Variants in TXNRD2 observed in about 807,000 individuals in gnomAD.
The protein encoded by TXNRD2 is thioredoxin reductase 2, mitochondrial.
In TXNRD2, 67 loss-of-function variants were observed where a neutral mutation model predicts 70.8. The observed-to-expected ratio is 0.95, with a 90% confidence interval of 0.78 to 1.16. TXNRD2 has a LOEUF of 1.16. Ranked by LOEUF, TXNRD2 falls within the 50% of genes most tolerant of loss-of-function variation. The pLI is 0.00. For missense variants in TXNRD2, 644 were observed against 719.9 expected, an observed-to-expected ratio of 0.89 and a Z score of 1.21; for synonymous variants, 301 against 295.8, an observed-to-expected ratio of 1.02 and a Z score of -0.18.
In TXNRD2 at chr22:19,937,800, T is replaced by C. The variant is rs550781453; in HGVS notation, c.103+3901A>G. 1.8e-3 allele frequency among the ~76,000 whole-genome samples: 279 copies of C among 152,320 alleles called. 1 individual carries two copies. Among genetic ancestry groups the C allele is most frequent in the African/African-American group, 6.5e-3 (269 of 41,566 alleles). On this transcript the variant is annotated intron_variant, in intron 1 of 17. Coordinates refer to ENST00000400521, the MANE Select transcript of TXNRD2 (RefSeq NM_006440.5). ...CCTGCGTTGTCGTAAGGGTAAACATTGGGCAAGTACTTGCCACTCAGTCTG... is the reference window on the plus strand; with the variant it reads ...CCTGCGTTGTCGTAAGGGTAAACATCGGGCAAGTACTTGCCACTCAGTCTG...
At chr22:19,886,014 C>G (rs1439441033) in intron 11 of TXNRD2, among the ~76,000 whole-genome samples, 1 of 152,274 alleles carries the variant, frequency 6.6e-6, no homozygotes, top group Non-Finnish European at 1.5e-5. Flanking sequence ...AATGGAGCCA[C>G]TAATGTGAAA....
intron 1 of TXNRD2, among the ~76,000 whole-genome samples, chr22:19,933,062 GCATC>G (rs1038318869): frequency 6.6e-6 from 1 of 152,162 alleles, no homozygotes; most frequent in Non-Finnish European, 1.5e-5. Flanking sequence ...TTGGGAAGCT[GCATC>G]CAGGCACTCA....
chr22:19,898,167 A>G (rs754596655), intron 9 of TXNRD2, 37 bp from the exon 10 acceptor site: 1 of 1,536,478 alleles, frequency 6.5e-7, no homozygotes, highest in Non-Finnish European at 8.8e-7. Context: ...GTAGATCCCA[A>G]TTTTGGAAAT....
At chr22:19,909,780 ACAC>A (rs1940279010) in intron 8 of TXNRD2, among the ~76,000 whole-genome samples, 1 of 119,878 alleles carries the variant, frequency 8.3e-6, no homozygotes, top group Non-Finnish European at 1.7e-5. Context: ...CACACCACAC[ACAC>A]CACACACACA....
rs559272282 is a variant in TXNRD2 at position 19,933,519 on chromosome 22, CT to C, written c.104-2422del. 93 of 1,288,838 alleles carry C rather than the reference CT, an allele frequency of 7.2e-5. No individual in the cohort carries two copies. In the East Asian group the frequency reaches 4.9e-3, roughly 68 times the overall value. 79.8% of individuals were successfully genotyped at this position (1,288,838 alleles called of 1,614,324 possible). ...GCCCTGCAGCCTCGCACTGTGCCCC[CT>C]CTGTCTGCTATCAGGCAGGGTGAGC... On this transcript the variant is annotated intron_variant, in intron 1 of 17. Coordinates refer to ENST00000400521, the MANE Select transcript of TXNRD2 (RefSeq NM_006440.5).
chr22:19,880,604 T>C lies in TXNRD2; in HGVS notation c.1182+18A>G. 1 of 1,611,612 alleles carries C rather than the reference T, an allele frequency of 6.2e-7. No individual in the cohort carries two copies. Among genetic ancestry groups the C allele is most frequent in the Non-Finnish European group, 8.5e-7 (1 of 1,178,366 alleles). ...AGCCTGTCCTAGGCTGCACGTGGCG[T>C]CCTGCTAGAGAACTCACATTGTCGT... On this transcript the variant is annotated intron_variant, in intron 13 of 17. Coordinates refer to ENST00000400521, the MANE Select transcript of TXNRD2 (RefSeq NM_006440.5).
At chr22:19,923,013 C>T (rs1393810029) in intron 2 of TXNRD2, among the ~76,000 whole-genome samples, 1 of 152,104 alleles carries the variant, frequency 6.6e-6, no homozygotes, top group Non-Finnish European at 1.5e-5. Context: ...GCAATTTGTT[C>T]TACCTGCTTA....
At chr22:19,912,772 A>G (rs1212121649) in intron 7 of TXNRD2, among the ~76,000 whole-genome samples, 1 of 152,212 alleles carries the variant, frequency 6.6e-6, no homozygotes, top group Non-Finnish European at 1.5e-5. Context: ...CCTGGCGGCC[A>G]GACAAGTCCC....
intron 7 of TXNRD2, among the ~76,000 whole-genome samples, chr22:19,912,202 G>A (rs1002738153): frequency 6.6e-6 from 1 of 152,340 alleles, no homozygotes; most frequent in Admixed American, 6.5e-5. Flanking sequence ...AACAAGATGT[G>A]CTGGTGGAGG....
At chr22:19,925,087 A>G (rs562052139) in intron 2 of TXNRD2, among the ~76,000 whole-genome samples, 1 of 151,746 alleles carries the variant, frequency 6.6e-6, no homozygotes, top group East Asian at 1.9e-4. Context: ...GATCGAGACC[A>G]TCCTGGCTAA....
At position 19,877,127 on chromosome 22, in the gene TXNRD2, G is replaced by A. The variant is rs372446673; in HGVS notation, c.1553C>T (p.Thr518Met). 1.3e-4 allele frequency: 208 copies of A among 1,600,740 alleles called. No individual in the cohort carries two copies. Among genetic ancestry groups the A allele is most frequent in the Non-Finnish European group, 1.6e-4 (193 of 1,169,866 alleles). The change falls in exon 17 of 18, where the codon ACG becomes ATG. Residue 518 changes from threonine to methionine, a missense_variant. Thr to Met is a moderately conservative substitution (Grantham distance 81). Transcript: ENST00000400521. Reference protein sequence around the residue: ...RISKRSGLDPTVTGCUG With the variant: ...RISKRSGLDPMVTGCUG ...CGCTTACCCTCAGCAGCCTGTCACC[G>A]TGGGGTCCAGGCCTGAGCGCTTGGA...
At chr22:19,907,214 GGCGCCGTGA>G (rs1940080620) in intron 8 of TXNRD2, among the ~76,000 whole-genome samples, 6 of 78,868 alleles carry the variant, frequency 7.6e-5, no homozygotes, top group Non-Finnish European at 1.5e-4. Flanking sequence ...GGAGAGTGTG[GGCGCCGTGA>G]GTAGCAGTGA....
At chr22:19,882,631 A>C (rs1416120671) in intron 12 of TXNRD2, among the ~76,000 whole-genome samples, 1 of 152,180 alleles carries the variant, frequency 6.6e-6, no homozygotes, top group African/African-American at 2.4e-5. Flanking sequence ...TCTCGCTACA[A>C]AGAAGCTCTC....
intron 5 of TXNRD2, 46 bp downstream of exon 5, chr22:19,918,097 A>G (rs932834393): frequency 6.5e-7 from 1 of 1,549,258 alleles, no homozygotes; most frequent in Non-Finnish European, 8.9e-7. Flanking sequence ...AGAACGCCCA[A>G]GAGAAGGCCC....
intron 8 of TXNRD2, among the ~76,000 whole-genome samples, chr22:19,908,914 G>A (rs1940191171): frequency 6.6e-6 from 1 of 152,144 alleles, no homozygotes; most frequent in Admixed American, 6.5e-5. Context: ...CTTAAAAATG[G>A]TTAACGTGGG....
intron 8 of TXNRD2, 27 bp downstream of exon 8, chr22:19,911,350 A>AC: frequency 6.3e-7 from 1 of 1,590,644 alleles, no homozygotes; most frequent in Non-Finnish European, 8.6e-7. Context: ...CAAAAAGAGG[A>AC]CCCCACCAAG....
intron 2 of TXNRD2, among the ~76,000 whole-genome samples, chr22:19,929,745 G>A (rs1036268610): frequency 2.6e-5 from 4 of 152,168 alleles, no homozygotes; most frequent in Non-Finnish European, 4.4e-5. Context: ...GGCAGCCCTG[G>A]CAGACTAACG....
intron 5 of TXNRD2, 78 bp downstream of exon 5, chr22:19,918,065 A>C: frequency 8.1e-7 from 1 of 1,227,380 alleles, no homozygotes; most frequent in Non-Finnish European, 1.2e-6. Flanking sequence ...TCTGCACAGT[A>C]AGTAAGTGTG....
At chr22:19,907,727 C>T (rs1397153418) in intron 8 of TXNRD2, among the ~76,000 whole-genome samples, 12 of 48,264 alleles carry the variant, frequency 2.5e-4, no homozygotes, top group Admixed American at 6.8e-4. Flanking sequence ...AGAGTGTGGG[C>T]GCACCATGGG....
Sources: gnomAD v4.1 joint callset for allele counts (sites outside exome capture counted in the v4.1 genomes callset) on GRCh38, gnomAD v4.1.1 for gene constraint, MANE v1.5 for transcripts, NCBI Gene and HGNC (gene_info 2026-07-23, HGNC 2026-07-21) for gene names.